Variants in PHLDB3 observed in about 807,000 individuals in gnomAD.
PHLDB3 encodes pleckstrin homology like domain family B member 3, also known as pleckstrin homology-like domain family B member 3.
A neutral mutation model predicts 85.7 loss-of-function variants in PHLDB3; 86 were observed. The observed-to-expected ratio is 1.00, with a 90% CI of 0.84 to 1.20. The LOEUF (loss-of-function observed/expected upper bound fraction) is 1.20. PHLDB3 is among the 50% of genes most tolerant of loss of function. PHLDB3 has a pLI of 0.00. For synonymous variants in PHLDB3, 376 were observed against 349.8 expected, an observed-to-expected ratio of 1.07 and a Z score of -0.83; for missense variants, 995 against 873.0, an observed-to-expected ratio of 1.14 and a Z score of -1.76.
intron 5 of PHLDB3, 28 bp downstream of exon 5, chr19:43,497,720 C>CA: frequency 6.5e-7 from 1 of 1,546,090 alleles, no homozygotes; most frequent in Non-Finnish European, 8.7e-7. Flanking sequence ...TCAAAAAAAA[C>CA]AAAAAAGAAA....
rs1322581615 is a variant in PHLDB3 at position 43,498,403 on chromosome 19, GGAGA to G, written c.535-531_535-528del. Among the ~76,000 whole-genome samples, 34 of 148,982 alleles carry G rather than the reference GGAGA, an allele frequency of 2.3e-4. 1 individual carries two copies. Among genetic ancestry groups the G allele is most frequent in the Admixed American group, 1.8e-3 (26 of 14,624 alleles). Reference sequence around the variant, plus strand: ...GAGAAAGAGGGAAGGAACGAAGGAAGGAGAGAGAGAAAGAAAAGAGGGAGGGAGG... The same window carrying G: ...GAGAAAGAGGGAAGGAACGAAGGAAGGAGAGAAAGAAAAGAGGGAGGGAGG... On this transcript the variant is annotated intron_variant, in intron 4 of 15. Coordinates refer to ENST00000292140, the MANE Select transcript of PHLDB3 (RefSeq NM_198850.4).
At chr19:43,478,026 G>C (rs1196283790) in intron 15 of PHLDB3, 21 bp downstream of exon 15, 14 of 1,591,172 alleles carry the variant, frequency 8.8e-6, no homozygotes, top group Non-Finnish European at 1.1e-5. Context: ...GGGAGGTCAG[G>C]GTGACATTGA....
intron 9 of PHLDB3, among the ~76,000 whole-genome samples, chr19:43,487,431 C>T (rs578144593): frequency 8.3e-4 from 126 of 151,664 alleles, no homozygotes; most frequent in Admixed American, 1.4e-3. Context: ...AGAAATTAGC[C>T]GGGCATGGTG....
intron 4 of PHLDB3, among the ~76,000 whole-genome samples, chr19:43,499,411 G>C (rs964515721): frequency 9.2e-5 from 14 of 152,062 alleles, no homozygotes; most frequent in African/African-American, 3.4e-4. Flanking sequence ...TTCTGGGTTT[G>C]AGGGAGGAGG....
intron 13 of PHLDB3, among the ~76,000 whole-genome samples, chr19:43,480,456 G>A (rs1321990611): frequency 1.3e-5 from 2 of 151,888 alleles, no homozygotes; most frequent in Non-Finnish European, 2.9e-5. Context: ...GCTGGGCCTA[G>A]TGCTGCACAC....
chr19:43,486,902 G>C (rs1431345434), intron 10 of PHLDB3, 32 bp from the exon 11 acceptor site: 1 of 1,510,314 alleles, frequency 6.6e-7, no homozygotes, highest in Admixed American at 2.2e-5. Context: ...TACAGGGCTG[G>C]ATACACCCTG....
chr19:43,502,067 G>A, intron 3 of PHLDB3, 34 bp downstream of exon 3: 1 of 1,545,640 alleles, frequency 6.5e-7, no homozygotes, highest in Non-Finnish European at 8.7e-7. Flanking sequence ...CGCTTGAGTT[G>A]GGGCCAGGCT....
At chr19:43,482,484 AATG>A (rs999822919) in intron 13 of PHLDB3, among the ~76,000 whole-genome samples, 1 of 152,100 alleles carries the variant, frequency 6.6e-6, no homozygotes, top group Non-Finnish European at 1.5e-5. Context: ...CTGTTTAATA[AATG>A]ATGATGCTAG....
At position 43,494,829 on chromosome 19, in the gene PHLDB3, G is replaced by A; in HGVS notation, c.1036-14C>T. 6.2e-7 allele frequency: 1 copy of A among 1,601,054 alleles called. No individual in the cohort carries two copies. The highest frequency in any genetic ancestry group is 8.5e-7 in the Non-Finnish European group (1 of 1,172,878). On this transcript the variant is annotated splice_polypyrimidine_tract_variant and intron_variant, in intron 8 of 15. Transcript: ENST00000292140. ...GGTGAACAGCAGCTGCAAGAGATGGGGTGAAGTTTCGTGGGAGCAGGAGAG... is the reference window on the plus strand; with the variant it reads ...GGTGAACAGCAGCTGCAAGAGATGGAGTGAAGTTTCGTGGGAGCAGGAGAG...
intron 6 of PHLDB3, chr19:43,496,333 C>G (rs1452527420): frequency 1.3e-5 from 2 of 152,108 alleles, no homozygotes; most frequent in African/African-American, 4.8e-5. Flanking sequence ...TAATCCAAAA[C>G]TTTGGGAAAC....
Position 43,502,095 on chromosome 19 carries a change from C to A in PHLDB3, c.396+6G>T. 6.4e-7 allele frequency: 1 copy of A among 1,566,534 alleles called. No homozygotes were observed. The highest frequency in any genetic ancestry group is 1.2e-5 in the South Asian group (1 of 85,046). On this transcript the variant is annotated splice_donor_region_variant and intron_variant, in intron 3 of 15. Coordinates refer to ENST00000292140, the MANE Select transcript of PHLDB3 (RefSeq NM_198850.4). ...GCCAGGCTTCCCAAGGGGTCCGCAG[C>A]CTCACCTCGATCCTCAGCTCCTTCC...
intron 13 of PHLDB3, among the ~76,000 whole-genome samples, chr19:43,483,101 G>A (rs976642995): frequency 1.3e-5 from 2 of 152,062 alleles, no homozygotes; most frequent in Admixed American, 1.3e-4. Context: ...AATAAGGGAA[G>A]GACAAATGGT....
In PHLDB3 at chr19:43,502,062, G is replaced by A. The variant is rs772003752; in HGVS notation, c.396+39C>T. The A allele has an allele frequency of 1.6e-5, 24 of 1,543,132 alleles. No homozygotes were observed. In the South Asian group the frequency reaches 2.9e-4, roughly 18 times the overall value. ...GAGTCCGGCTTTGCGGGTTCCGCTT[G>A]AGTTGGGGCCAGGCTTCCCAAGGGG... On this transcript the variant is annotated intron_variant, in intron 3 of 15. Coordinates refer to ENST00000292140, the MANE Select transcript of PHLDB3 (RefSeq NM_198850.4).
intron 13 of PHLDB3, among the ~76,000 whole-genome samples, chr19:43,482,445 C>A (rs1273512491): frequency 6.6e-6 from 1 of 152,122 alleles, no homozygotes; most frequent in African/African-American, 2.4e-5. Context: ...CAGGGGTGTA[C>A]GGCAGGGGAC....
rs780747609 is a variant in PHLDB3 at position 43,487,013 on chromosome 19, G to A, written c.1249+11C>T. The A allele has an allele frequency of 5.2e-6, 8 of 1,536,752 alleles. No individual in the cohort carries two copies. In the Admixed American group the frequency reaches 6.4e-5, roughly 12 times the overall value. On this transcript the variant is annotated intron_variant, in intron 10 of 15. Transcript: ENST00000292140. ...ATGTGGGAAGGAAGTGGGGAACAGGGGGATCCTCACCAGTACAATGGAAGG... is the reference window on the plus strand; with the variant it reads ...ATGTGGGAAGGAAGTGGGGAACAGGAGGATCCTCACCAGTACAATGGAAGG...
At chr19:43,497,038 G>A (rs748276487) in intron 6 of PHLDB3, 80 bp downstream of exon 6, 20 of 1,332,322 alleles carry the variant, frequency 1.5e-5, no homozygotes, top group Non-Finnish European at 1.8e-5. Flanking sequence ...AGGAAACAAG[G>A]ACAGAGAAAA....
In PHLDB3 at chr19:43,502,197, G is replaced by A. The variant is rs1971621036; in HGVS notation, c.300C>T (p.Arg100=). The change falls in exon 3 of 16, where the codon CGC becomes CGT. Residue 100 remains arginine (R), a synonymous_variant. Coordinates refer to ENST00000292140, the MANE Select transcript of PHLDB3 (RefSeq NM_198850.4). ...SREGVRGAAR[R]LQGQQLEALT... ...ATGCCTCCAGCTGCTGTCCTTGCAG[G>A]CGCCGCGCCGCCCCTCGCACCCCTT... 6.4e-7 allele frequency: 1 copy of A among 1,570,048 alleles called. No homozygotes were observed. The highest frequency in any genetic ancestry group is 1.2e-5 in the South Asian group (1 of 85,480).
intron 6 of PHLDB3, chr19:43,496,354 A>G (rs547097399): frequency 2.0e-5 from 3 of 152,256 alleles, no homozygotes; most frequent in Non-Finnish European, 2.9e-5. Context: ...TCTGTGTTAA[A>G]TATGGTCAAA....
chr19:43,475,233 C>G lies in PHLDB3; in HGVS notation c.*177G>C. On this transcript the variant is annotated 3_prime_UTR_variant, in exon 16 of 16. Coordinates refer to ENST00000292140, the MANE Select transcript of PHLDB3 (RefSeq NM_198850.4). ...CGGCGATCCCGTCGGGGGCAAGGCACCTGCAACCCAGAACGCAGCAGCTCA... is the reference window on the plus strand; with the variant it reads ...CGGCGATCCCGTCGGGGGCAAGGCAGCTGCAACCCAGAACGCAGCAGCTCA... 1 of 871,278 alleles carries G rather than the reference C, an allele frequency of 1.1e-6. No individual in the cohort carries two copies. Among genetic ancestry groups the G allele is most frequent in the Non-Finnish European group, 1.7e-6 (1 of 591,372 alleles). The allele number at this position is 871,278 out of a possible 1,614,324, so 54.0% of individuals were successfully genotyped here.
Sources: allele counts gnomAD v4.1 joint callset (sites outside exome capture counted in the v4.1 genomes callset), GRCh38; gene constraint gnomAD v4.1.1; transcripts MANE v1.5; gene names NCBI Gene and HGNC (gene_info 2026-07-23, HGNC 2026-07-21).